The following SHANK2 variants were observed in gnomAD, a reference collection of about 807,000 sequenced individuals.
SHANK2 encodes SH3 and multiple ankyrin repeat domains 2.
In SHANK2, 43 loss-of-function variants were observed where a neutral mutation model predicts 133.7. The ratio of observed to expected loss-of-function variants is 0.32; its 90% confidence interval spans 0.25 to 0.41. SHANK2 has a LOEUF of 0.41. Ranked by LOEUF, SHANK2 falls within the 10% of genes least tolerant of loss-of-function variation. The probability of loss-of-function intolerance (pLI) is 1.00; values close to 1 mark genes in which losing one functional copy is unlikely to be tolerated. For missense variants in SHANK2, 1,994 were observed against 2,235.8 expected (o/e 0.89, Z 2.18); for synonymous variants, 1,017 against 952.8 (o/e 1.07, Z -1.24).
At chr11:70,761,544 G>A (rs1328929372) in intron 14 of SHANK2, among the ~76,000 whole-genome samples, 1 of 152,226 alleles carries the variant, frequency 6.6e-6, no homozygotes, top group Non-Finnish European at 1.5e-5. Flanking sequence ...GCACCTCTAT[G>A]GGTCCTCTGG....
At chr11:70,903,639 C>T (rs539585940) in intron 10 of SHANK2, among the ~76,000 whole-genome samples, 1 of 152,174 alleles carries the variant, frequency 6.6e-6, no homozygotes, top group Non-Finnish European at 1.5e-5. Context: ...GCTGGGGTCC[C>T]GGGGCTCGAG....
At chr11:71,217,943 T>C (rs1467854716) in intron 2 of SHANK2, among the ~76,000 whole-genome samples, 1 of 152,088 alleles carries the variant, frequency 6.6e-6, no homozygotes, top group Non-Finnish European at 1.5e-5. Flanking sequence ...CTCTGCCTCC[T>C]GGGTTCACAC....
rs151002704 is a variant in SHANK2 at position 70,945,475 on chromosome 11, G to A, written c.1108-48908C>T. Reference sequence around the variant, plus strand: ...CCAGGCCTCCAATACGCTGAGCTCCGACGGCTTCCAGCCCTTCCTGCTGCC... The same window carrying A: ...CCAGGCCTCCAATACGCTGAGCTCCAACGGCTTCCAGCCCTTCCTGCTGCC... On this transcript the variant is annotated intron_variant, in intron 10 of 25. Transcript: ENST00000601538. Among the ~76,000 whole-genome samples the A allele has an allele frequency of 5.6e-3, 846 of 152,304 alleles. 6 individuals are homozygous for A. Among genetic ancestry groups the A allele is most frequent in the African/African-American group, 0.019 (805 of 41,566 alleles).
At chr11:70,891,988 G>C (rs1229918042) in intron 11 of SHANK2, among the ~76,000 whole-genome samples, 1 of 152,156 alleles carries the variant, frequency 6.6e-6, no homozygotes, top group Non-Finnish European at 1.5e-5. Flanking sequence ...CTGAGGACAG[G>C]GGTGGCCAGG....
intron 14 of SHANK2, among the ~76,000 whole-genome samples, chr11:70,775,976 G>C (rs1555043843): frequency 1.3e-5 from 2 of 152,220 alleles, no homozygotes; most frequent in African/African-American, 4.8e-5. Context: ...GGCATGCTCT[G>C]GAGGTTGCAG....
chr11:70,637,557 C>A (rs1019136525), intron 17 of SHANK2, among the ~76,000 whole-genome samples: 2 of 152,124 alleles, frequency 1.3e-5, no homozygotes, highest in Admixed American at 6.5e-5. Context: ...GACCTCCCCC[C>A]ACCAACCCAT....
chr11:70,634,072 T>G (rs554150404), intron 17 of SHANK2: 1 of 152,086 alleles, frequency 6.6e-6, no homozygotes, highest in South Asian at 2.1e-4. Context: ...CCTGGGGACA[T>G]ATCTACCAAG....
chr11:70,692,542 G>A (rs80288484), intron 15 of SHANK2, among the ~76,000 whole-genome samples: 4,113 of 152,220 alleles, frequency 0.027, 194 homozygotes, highest in African/African-American at 0.094. Flanking sequence ...TCTTTAGAAC[G>A]CTTCAGATAA....
At chr11:71,119,483 G>A (rs1413298220) in intron 3 of SHANK2, among the ~76,000 whole-genome samples, 1 of 151,716 alleles carries the variant, frequency 6.6e-6, no homozygotes, top group East Asian at 1.9e-4. Context: ...TGGAGGCTGA[G>A]GCAGGAGAAT....
chr11:70,711,082 T>C (rs1324894822), intron 14 of SHANK2, among the ~76,000 whole-genome samples: 5 of 152,104 alleles, frequency 3.3e-5, no homozygotes, highest in African/African-American at 1.2e-4. Flanking sequence ...AAATCCATCA[T>C]CCTCTCTGAA....
chr11:70,796,453 G>C (rs781876505), intron 14 of SHANK2, among the ~76,000 whole-genome samples: 5 of 152,230 alleles, frequency 3.3e-5, no homozygotes, highest in Non-Finnish European at 7.3e-5. Flanking sequence ...AGGGCAGCCA[G>C]TGTGGCTCTG....
chr11:70,793,247 G>A (rs553884713), intron 14 of SHANK2, among the ~76,000 whole-genome samples: 28 of 152,254 alleles, frequency 1.8e-4, no homozygotes, highest in South Asian at 6.2e-4. Flanking sequence ...CACAATATTC[G>A]TGTGAAATAA....
At chr11:70,898,141 T>A (rs564754049) in intron 10 of SHANK2, among the ~76,000 whole-genome samples, 18 of 147,720 alleles carry the variant, frequency 1.2e-4, no homozygotes, top group South Asian at 2.2e-4. Context: ...TAAAAAAAAA[T>A]TTTTTTTTTT....
At chr11:70,590,155 C>G (rs1388752092) in intron 17 of SHANK2, among the ~76,000 whole-genome samples, 1 of 152,116 alleles carries the variant, frequency 6.6e-6, no homozygotes, top group East Asian at 1.9e-4. Flanking sequence ...GAGGGAGACT[C>G]TGTCTAAACA....
Position 70,492,954 on chromosome 11 carries a change from C to G in SHANK2, c.2309-489G>C, listed in dbSNP as rs1487150228. Among the ~76,000 whole-genome samples the G allele has an allele frequency of 3.3e-5, 5 of 151,802 alleles. No individual in the cohort carries two copies. In the East Asian group the frequency reaches 9.7e-4, roughly 29 times the overall value. On this transcript the variant is annotated intron_variant, in intron 21 of 25. Coordinates refer to ENST00000601538, the MANE Select transcript of SHANK2 (RefSeq NM_012309.5). ...GGGATTACAGGCACCTGCCACTACG[C>G]CCAGCTAATTTTTGTATTTTTAGTA...
chr11:71,066,037 G>GCT (rs1565432853), intron 9 of SHANK2, among the ~76,000 whole-genome samples: 1 of 35,656 alleles, frequency 2.8e-5, no homozygotes, highest in Admixed American at 2.9e-4. Flanking sequence ...TGGGGAAGTT[G>GCT]GGGGAGGGTA....
At chr11:70,627,627 A>C (rs2060921867) in intron 17 of SHANK2, among the ~76,000 whole-genome samples, 4 of 152,242 alleles carry the variant, frequency 2.6e-5, no homozygotes, top group Admixed American at 2.6e-4. Context: ...TTGCATGTAC[A>C]TTTGGTATAT....
intron 15 of SHANK2, among the ~76,000 whole-genome samples, chr11:70,662,508 G>A (rs1057012945): frequency 6.6e-6 from 1 of 152,186 alleles, no homozygotes; most frequent in African/African-American, 2.4e-5. Flanking sequence ...GCCGGTGGCC[G>A]GTCGGGGAGG....
intron 17 of SHANK2, among the ~76,000 whole-genome samples, chr11:70,583,737 G>A (rs1272969812): frequency 5.9e-5 from 9 of 152,326 alleles, no homozygotes; most frequent in African/African-American, 2.2e-4. Context: ...TCGAGGCTGT[G>A]TGTCCCTTCT....
Sources: gnomAD v4.1 joint callset for allele counts (sites outside exome capture counted in the v4.1 genomes callset) on GRCh38, gnomAD v4.1.1 for gene constraint, MANE v1.5 for transcripts, NCBI Gene and HGNC (gene_info 2026-07-23, HGNC 2026-07-21) for gene names.